The following MSRA variants were observed in gnomAD, a reference collection of about 807,000 sequenced individuals.
MSRA encodes mitochondrial peptide methionine sulfoxide reductase.
In MSRA, 54 loss-of-function variants were observed where a neutral mutation model predicts 31.3. The ratio of observed to expected loss-of-function variants is 1.73; its 90% CI spans 1.39 to 2.17. The LOEUF is 2.17. MSRA is among the 30% of genes most tolerant of loss of function. MSRA has a pLI of 0.00. For missense variants in MSRA, 507 were observed against 300.9 expected (o/e 1.69, Z -5.07); for synonymous variants, 169 against 116.5 (o/e 1.45, Z -2.90).
intron 1 of MSRA, among the ~76,000 whole-genome samples, chr8:10,171,971 G>T (rs1417681120): frequency 6.6e-6 from 1 of 152,238 alleles, no homozygotes; most frequent in Non-Finnish European, 1.5e-5. Context: ...AATGGAACCA[G>T]AGGAACTTAG....
At chr8:10,294,854 A>G (rs1191739960) in intron 3 of MSRA, among the ~76,000 whole-genome samples, 1 of 147,724 alleles carries the variant, frequency 6.8e-6, no homozygotes, top group Non-Finnish European at 1.5e-5. Flanking sequence ...CACCGGGACC[A>G]GGGCCGGCTT....
chr8:10,418,851 A>G (rs1352529551), intron 5 of MSRA, among the ~76,000 whole-genome samples: 1 of 151,190 alleles, frequency 6.6e-6, no homozygotes, highest in Admixed American at 6.6e-5. Context: ...AACAAAAAAA[A>G]AAAACACCAA....
At chr8:10,071,949 T>G (rs190019611) in intron 1 of MSRA, among the ~76,000 whole-genome samples, 2 of 152,230 alleles carry the variant, frequency 1.3e-5, no homozygotes, top group African/African-American at 4.8e-5. Flanking sequence ...GTTTCAGTAG[T>G]GCGTATGGGT....
intron 5 of MSRA, among the ~76,000 whole-genome samples, chr8:10,383,663 G>T (rs941643792): frequency 6.6e-6 from 1 of 152,148 alleles, no homozygotes; most frequent in Admixed American, 6.5e-5. Flanking sequence ...ATTCCAGGAA[G>T]CGGGATTGGA....
intron 1 of MSRA, among the ~76,000 whole-genome samples, chr8:10,149,716 C>G (rs1361855862): frequency 6.6e-6 from 1 of 151,378 alleles, no homozygotes; most frequent in Non-Finnish European, 1.5e-5. Flanking sequence ...AAAATAAATG[C>G]ATGTACATAT....
intron 1 of MSRA, among the ~76,000 whole-genome samples, chr8:10,177,540 C>G (rs1429812409): frequency 2.6e-5 from 4 of 152,136 alleles, no homozygotes; most frequent in Non-Finnish European, 5.9e-5. Context: ...TGTTTTAGTA[C>G]TTACCCTGAT....
Position 10,289,298 on chromosome 8 carries a change from C to G in MSRA, c.332-12236C>G, listed in dbSNP as rs540697027. Among the ~76,000 whole-genome samples, 193 of 152,222 alleles carry G rather than the reference C, an allele frequency of 1.3e-3. 1 individual carries two copies. The highest frequency in any genetic ancestry group is 4.4e-3 in the African/African-American group (181 of 41,542). ...AGAGTGCTGGGATTACAGGCATGAG[C>G]CACTGCACCCAGCCTTCTTTTTAAT... On this transcript the variant is annotated intron_variant, in intron 3 of 5. Transcript: ENST00000317173.
chr8:10,202,014 G>C (rs28411081), intron 1 of MSRA, among the ~76,000 whole-genome samples: 22,962 of 152,156 alleles, frequency 0.15, 2,911 homozygotes, highest in African/African-American at 0.35. Context: ...GGAGACTCTT[G>C]TGTCTCCATT....
At chr8:10,181,537 G>T (rs550820365) in intron 1 of MSRA, among the ~76,000 whole-genome samples, 8 of 152,024 alleles carry the variant, frequency 5.3e-5, no homozygotes, top group Non-Finnish European at 1.2e-4. Context: ...AGACTGAAAT[G>T]TATCCTAAAA....
chr8:10,360,575 G>A (rs747806686), intron 5 of MSRA, among the ~76,000 whole-genome samples: 12 of 152,172 alleles, frequency 7.9e-5, no homozygotes, highest in East Asian at 3.9e-4. Flanking sequence ...CTTGCCGAAC[G>A]TCTGACGGCA....
At chr8:10,177,700 A>G (rs552990767) in intron 1 of MSRA, among the ~76,000 whole-genome samples, 11 of 152,292 alleles carry the variant, frequency 7.2e-5, no homozygotes, top group African/African-American at 2.2e-4. Flanking sequence ...ACATCTGGTT[A>G]TTTGTTGGCG....
intron 1 of MSRA, among the ~76,000 whole-genome samples, chr8:10,186,124 C>A (rs1807027685): frequency 6.6e-6 from 1 of 152,168 alleles, no homozygotes; most frequent in Non-Finnish European, 1.5e-5. Flanking sequence ...CCAGGTTGGC[C>A]TTCTGTGCTC....
chr8:10,201,687 T>C (rs947649223), intron 1 of MSRA, among the ~76,000 whole-genome samples: 3 of 152,262 alleles, frequency 2.0e-5, no homozygotes, highest in African/African-American at 7.2e-5. Context: ...TAAAAAGCAA[T>C]GTCAGTATCA....
chr8:10,352,228 A>T (rs538107379), intron 5 of MSRA, among the ~76,000 whole-genome samples: 1 of 152,288 alleles, frequency 6.6e-6, no homozygotes, highest in Non-Finnish European at 1.5e-5. Context: ...CGTGTAGTGA[A>T]TTTTTCCTGA....
chr8:10,346,804 C>T (rs1314170456), intron 5 of MSRA, among the ~76,000 whole-genome samples: 1 of 152,190 alleles, frequency 6.6e-6, no homozygotes, highest in Non-Finnish European at 1.5e-5. Flanking sequence ...CAAGTCCTTG[C>T]CATTTGGGGC....
At chr8:10,085,528 C>G (rs1223003698) in intron 1 of MSRA, among the ~76,000 whole-genome samples, 2 of 152,196 alleles carry the variant, frequency 1.3e-5, no homozygotes, top group Non-Finnish European at 2.9e-5. Flanking sequence ...ATCTCAATAG[C>G]CCCTTGAAGG....
intron 5 of MSRA, among the ~76,000 whole-genome samples, chr8:10,376,432 C>G (rs1314062064): frequency 6.6e-6 from 1 of 152,196 alleles, no homozygotes; most frequent in Non-Finnish European, 1.5e-5. Context: ...AGGTCATGGG[C>G]TCTGCTGTGA....
intron 5 of MSRA, among the ~76,000 whole-genome samples, chr8:10,401,697 A>C (rs906078178): frequency 9.9e-5 from 15 of 152,058 alleles, no homozygotes; most frequent in African/African-American, 3.1e-4. Context: ...AAAAAATGTG[A>C]CTTATAGATA....
At chr8:10,423,825 T>C (rs1477742187) in intron 5 of MSRA, among the ~76,000 whole-genome samples, 2 of 151,972 alleles carry the variant, frequency 1.3e-5, no homozygotes, top group Admixed American at 1.3e-4. Context: ...AGGTGCTGGG[T>C]CTTGAGGTAG....
Sources: allele counts gnomAD v4.1 joint callset (sites outside exome capture counted in the v4.1 genomes callset), GRCh38; gene constraint gnomAD v4.1.1; transcripts MANE v1.5; gene names NCBI Gene and HGNC (gene_info 2026-07-23, HGNC 2026-07-21).